Variants in UBA2 observed in about 807,000 individuals in gnomAD.
The protein encoded by UBA2 is ubiquitin like modifier activating enzyme 2.
Under a neutral mutation model 77.2 loss-of-function variants are expected in UBA2, and 11 were observed. The ratio of observed to expected loss-of-function variants is 0.14; its 90% CI spans 0.09 to 0.24. The LOEUF (loss-of-function observed/expected upper bound fraction) is 0.24. UBA2 is among the 10% of genes least tolerant of loss of function. The pLI, the probability that UBA2 is intolerant of heterozygous loss-of-function variation, is 1.00. For synonymous variants in UBA2, 278 were observed against 276.7 expected, an observed-to-expected ratio of 1.00 and a Z score of -0.05; for missense variants, 487 against 781.7, an observed-to-expected ratio of 0.62 and a Z score of 4.50.
chr19:34,434,817 A>T, intron 4 of UBA2, 51 bp from the exon 5 acceptor site: 1 of 1,391,062 alleles, frequency 7.2e-7, no homozygotes, highest in Non-Finnish European at 1.0e-6. Flanking sequence ...CTAATTAAAG[A>T]TAACTAATTT....
At chr19:34,455,832 G>A (rs1406135749) in intron 12 of UBA2, among the ~76,000 whole-genome samples, 4 of 151,846 alleles carry the variant, frequency 2.6e-5, no homozygotes, top group Admixed American at 6.6e-5. Context: ...TAGTAGAGAC[G>A]GGTTTCACTA....
chr19:34,442,723 G>A (rs1222314756), intron 6 of UBA2, among the ~76,000 whole-genome samples: 2 of 152,100 alleles, frequency 1.3e-5, no homozygotes, highest in African/African-American at 4.8e-5. Context: ...GAGCCACCAC[G>A]CCCAGCCAAA....
At chr19:34,446,278 A>G (rs533568343) in intron 8 of UBA2, among the ~76,000 whole-genome samples, 41 of 152,362 alleles carry the variant, frequency 2.7e-4, no homozygotes, top group African/African-American at 9.4e-4. Context: ...TAAGGATATA[A>G]TAACAGGTTT....
intron 6 of UBA2, 72 bp from the exon 7 acceptor site, chr19:34,443,772 G>A (rs1181249380): frequency 4.8e-6 from 5 of 1,037,130 alleles, no homozygotes; most frequent in Admixed American, 1.7e-5. Context: ...CTAAATATTT[G>A]GAATATTCTA....
chr19:34,440,372 G>A (rs1466571192), intron 6 of UBA2, among the ~76,000 whole-genome samples: 1 of 151,900 alleles, frequency 6.6e-6, no homozygotes, highest in Non-Finnish European at 1.5e-5. Flanking sequence ...TTAGAGCAAT[G>A]TAAGTAGTTT....
At chr19:34,456,106 C>CTTTTT (rs869130576) in intron 12 of UBA2, among the ~76,000 whole-genome samples, 8 of 73,628 alleles carry the variant, frequency 1.1e-4, no homozygotes, top group African/African-American at 2.5e-4. Flanking sequence ...TTTTCTTTTT[C>CTTTTT]TTTTTTTTTT....
At chr19:34,440,588 C>G (rs1440458893) in intron 6 of UBA2, among the ~76,000 whole-genome samples, 2 of 152,096 alleles carry the variant, frequency 1.3e-5, no homozygotes, top group East Asian at 3.8e-4. Flanking sequence ...AATTGCTAGT[C>G]AGTCTCACAC....
intron 12 of UBA2, among the ~76,000 whole-genome samples, chr19:34,457,539 C>G (rs373992899): frequency 1.3e-5 from 2 of 152,170 alleles, no homozygotes; most frequent in Non-Finnish European, 2.9e-5. Context: ...ACAAATCTTT[C>G]TCCCTCTGTA....
At chr19:34,461,642 A>G (rs1290043556) in intron 14 of UBA2, among the ~76,000 whole-genome samples, 1 of 152,214 alleles carries the variant, frequency 6.6e-6, no homozygotes, top group Non-Finnish European at 1.5e-5. Context: ...TACATGTGGT[A>G]TGGAGGGTGA....
At chr19:34,460,771 G>A (rs1428641096) in intron 14 of UBA2, among the ~76,000 whole-genome samples, 4 of 152,198 alleles carry the variant, frequency 2.6e-5, no homozygotes. Context: ...TTCAGGGACT[G>A]CAGTGCTCTT....
chr19:34,455,074 TG>T (rs1226492085), intron 12 of UBA2, among the ~76,000 whole-genome samples: 1 of 152,230 alleles, frequency 6.6e-6, no homozygotes, highest in Non-Finnish European at 1.5e-5. Flanking sequence ...GAATTGTGTC[TG>T]GTAATTCTTT....
In UBA2 at chr19:34,466,898, T is replaced by C; in HGVS notation, c.1625T>C (p.Val542Ala). 6.2e-7 allele frequency: 1 copy of C among 1,613,178 alleles called. No individual in the cohort carries two copies. The highest frequency in any genetic ancestry group is 8.5e-7 in the Non-Finnish European group (1 of 1,179,976). The change falls in exon 16 of 17, where the codon GTT becomes GCT. Residue 542 changes from valine to alanine, a missense_variant. Around this residue, in one of 9 missense-constraint regions of UBA2, gnomAD observed 300 missense variants for 454.3 expected, o/e 0.66. Transcript: ENST00000246548. The stretch of plus-strand genomic sequence containing the variant: ...TACAGTGAAGACCTAGGAAAGGACG[T>C]TGAATTTGAAGTTGTTGGTGATGCC... ...ILHSEDLGKD[V>A]EFEVVGDAPE... is the part of the protein sequence containing the mutation.
rs1344856549 is a variant in UBA2 at position 34,428,868 on chromosome 19, C to G, written c.138+298C>G. On this transcript the variant is annotated intron_variant, in intron 1 of 16. Transcript: ENST00000246548. ...CGTGGGCGTGAAGCCGCCTCTTATC[C>G]TCCCTTCAAAACAAATTCCCGGCTG... 8.4e-6 allele frequency: 9 copies of G among 1,069,290 alleles called. No homozygotes were observed. The Admixed American group carries it at 4.8e-4, about 57-fold the overall frequency. 66.2% of individuals were successfully genotyped at this position (1,069,290 alleles called of 1,614,324 possible). A position where few individuals can be genotyped will look rare whatever the true frequency, so the allele number is the denominator to read the frequency against.
At position 34,471,091 on chromosome 19, in the gene UBA2, G is replaced by A. The variant is rs1305135460; in HGVS notation, c.*1870G>A. The A allele has an allele frequency of 1.3e-5, 2 of 152,194 alleles. No homozygotes were observed. The highest frequency in any genetic ancestry group is 2.9e-5 in the Non-Finnish European group (2 of 68,052). The allele number at this position is 152,194 out of a possible 1,614,324, so 9.4% of individuals were successfully genotyped here. A position where few individuals can be genotyped will look rare whatever the true frequency, so the allele number is the denominator to read the frequency against. On this transcript the variant is annotated 3_prime_UTR_variant, in exon 17 of 17. Coordinates refer to ENST00000246548, the MANE Select transcript of UBA2 (RefSeq NM_005499.3). ...TGTCTTCCTGGTCCCGGACCTCAGA[G>A]GGCTTTGCCTGTTAGGGTACTCTTA...
At chr19:34,430,745 G>GA (rs1375127844) in intron 2 of UBA2, 86 bp downstream of exon 2, 21 of 974,228 alleles carry the variant, frequency 2.2e-5, no homozygotes, top group East Asian at 2.0e-4. Context: ...ATATAGGAGG[G>GA]AAAAAATGGG....
Position 34,470,759 on chromosome 19 carries a change from T to G in UBA2, c.*1538T>G, listed in dbSNP as rs2075727518. ...GGCTGGTCTGGAACTCCTGACCTCG[T>G]GATCCACCTGCCTCAGCCTCCCAAA... On this transcript the variant is annotated 3_prime_UTR_variant, in exon 17 of 17. Coordinates refer to ENST00000246548, the MANE Select transcript of UBA2 (RefSeq NM_005499.3). 6.6e-6 allele frequency: 1 copy of G among 152,264 alleles called. No individual in the cohort carries two copies. The highest frequency in any genetic ancestry group is 2.4e-5 in the African/African-American group (1 of 41,440). 9.4% of individuals were successfully genotyped at this position (152,264 alleles called of 1,614,324 possible). A position where few individuals can be genotyped will look rare whatever the true frequency, so the allele number is the denominator to read the frequency against.
chr19:34,444,324 C>T (rs904971734), intron 7 of UBA2, among the ~76,000 whole-genome samples: 3 of 151,940 alleles, frequency 2.0e-5, no homozygotes, highest in Non-Finnish European at 4.4e-5. Context: ...TCCCAAAGTG[C>T]TGGGACAGGC....
intron 14 of UBA2, among the ~76,000 whole-genome samples, chr19:34,463,679 T>C (rs2075656916): frequency 6.6e-6 from 1 of 152,128 alleles, no homozygotes; most frequent in Non-Finnish European, 1.5e-5. Context: ...GTCACACGCC[T>C]CACTGTGTAA....
intron 5 of UBA2, among the ~76,000 whole-genome samples, chr19:34,436,943 C>G (rs1012434306): frequency 1.3e-5 from 2 of 152,116 alleles, no homozygotes; most frequent in African/African-American, 4.8e-5. Flanking sequence ...CAGATCAAGA[C>G]GGAAGTTCTC....
Sources: allele counts gnomAD v4.1 joint callset (sites outside exome capture counted in the v4.1 genomes callset), GRCh38; gene constraint gnomAD v4.1.1; regional missense constraint gnomAD v4.1.1; transcripts MANE v1.5; gene names NCBI Gene and HGNC (gene_info 2026-07-23, HGNC 2026-07-21).